JAK1: variants seen among roughly 807,000 people sequenced by gnomAD.
The protein encoded by JAK1 is tyrosine-protein kinase JAK1.
JAK1 carries 16 observed loss-of-function variants against 136.6 expected under a neutral mutation model. The observed-to-expected ratio is 0.12, with a 90% CI of 0.08 to 0.18. The LOEUF is 0.18. Among genes scored for constraint, JAK1 ranks in the 10% least tolerant of loss-of-function variants. The pLI, the probability that JAK1 is intolerant of heterozygous loss-of-function variation, is 1.00. For synonymous variants in JAK1, 492 were observed against 519.5 expected, an observed-to-expected ratio of 0.95 and a Z score of 0.72; for missense variants, 859 against 1,450.1, an observed-to-expected ratio of 0.59 and a Z score of 6.62.
intron 2 of JAK1, among the ~76,000 whole-genome samples, chr1:65,006,134 T>C (rs1646802140): frequency 6.6e-6 from 1 of 152,208 alleles, no homozygotes; most frequent in Non-Finnish European, 1.5e-5. Context: ...GAAGTATCTG[T>C]TCCTTATAAT....
rs2100974383 is a variant in JAK1, at chr1:64,841,258, C to T, written c.2636G>A (p.Arg879His). The T allele has an allele frequency of 1.9e-6, 3 of 1,613,698 alleles. No individual in the cohort carries two copies. The highest frequency in any genetic ancestry group is 2.5e-6 in the Non-Finnish European group (3 of 1,179,606). ...HFEKRFLKRI[R>H]DLGEGHFGKV... ...GGTGTAACTTACCTCTCCCAAGTCA[C>T]GGATCCTCTTTAGGAAGCGCTTTTC... is the stretch of plus-strand genomic sequence containing the variant. Residue 879 changes from arginine (R) to histidine (H), a missense_variant, in exon 19 of 25, where the codon CGT (arginine) becomes CAT (histidine). This residue lies in a region of JAK1 where 409 missense variants were observed against 753.8 expected (regional missense o/e 0.54). Coordinates refer to ENST00000342505, the MANE Select transcript of JAK1 (RefSeq NM_002227.4).
chr1:64,975,171 T>C (rs1646487720), intron 2 of JAK1, among the ~76,000 whole-genome samples: 1 of 152,020 alleles, frequency 6.6e-6, no homozygotes, highest in Non-Finnish European at 1.5e-5. Flanking sequence ...GTGATCATAG[T>C]ATACTACAGC....
chr1:64,834,401 A>AC lies in JAK1; in HGVS notation c.*160dup. ...GAAGTCCTTACACATATTAAGCACT[A>AC]CAGTGTGCCTTATACATGTATATGT... On this transcript the variant is annotated 3_prime_UTR_variant, in exon 25 of 25. Coordinates refer to ENST00000342505, the MANE Select transcript of JAK1 (RefSeq NM_002227.4). 1.8e-6 allele frequency: 1 copy of AC among 567,612 alleles called. No individual in the cohort carries two copies. The highest frequency in any genetic ancestry group is 3.2e-6 in the Non-Finnish European group (1 of 311,926). 35.2% of individuals were successfully genotyped at this position (567,612 alleles called of 1,614,324 possible).
chr1:64,846,212 C>T (rs1039665966), intron 14 of JAK1, among the ~76,000 whole-genome samples: 4 of 152,114 alleles, frequency 2.6e-5, no homozygotes, highest in Admixed American at 6.5e-5. Context: ...AAGGGCCCAC[C>T]GGCTCAGTGG....
intron 1 of JAK1, among the ~76,000 whole-genome samples, chr1:64,950,878 C>G (rs1646073034): frequency 6.6e-6 from 1 of 152,136 alleles, no homozygotes. Context: ...AAGTGGTGGC[C>G]CAGACAGGTC....
intron 1 of JAK1, among the ~76,000 whole-genome samples, chr1:64,928,778 C>CAAAAAAAAAAAAAAAA (rs1183218798): frequency 5.1e-4 from 31 of 61,120 alleles, no homozygotes; most frequent in Non-Finnish European, 7.2e-4. Context: ...TAAAACTCTG[C>CAAAAAAAAAAAAAAAA]AAAAAAAAAA....
chr1:64,938,797 G>A (rs567024398), intron 1 of JAK1, among the ~76,000 whole-genome samples: 2 of 152,176 alleles, frequency 1.3e-5, no homozygotes, highest in Non-Finnish European at 2.9e-5. Context: ...GTCTACATAA[G>A]GATATGATGT....
intron 1 of JAK1, among the ~76,000 whole-genome samples, chr1:64,897,549 A>G (rs1366366444): frequency 3.0e-4 from 2 of 6,676 alleles, no homozygotes; most frequent in Admixed American, 5.3e-3. Flanking sequence ...GAGGAGGAGG[A>G]GGAGGAGGAG....
chr1:64,839,397 T>C (rs1654743777), intron 20 of JAK1: 1 of 433,772 alleles, frequency 2.3e-6, no homozygotes, highest in Non-Finnish European at 4.0e-6. Flanking sequence ...AGCCCCTGGA[T>C]GGAGGGGCCT....
chr1:64,953,772 G>A (rs1350807859), intron 1 of JAK1, among the ~76,000 whole-genome samples: 2 of 152,054 alleles, frequency 1.3e-5, no homozygotes, highest in Non-Finnish European at 2.9e-5. Context: ...CAATTCTCCC[G>A]CCTCAGCCTC....
rs1655074101 is a variant in JAK1, at chr1:64,844,058, G to T, written c.2403+6C>A. On this transcript the variant is annotated splice_donor_region_variant and intron_variant, in intron 17 of 24. Transcript: ENST00000342505. This position sits in a 1 kb window ranked among gnomAD's most constrained non-coding sequence, Gnocchi z 5.7. ...TTGCCTCACGCCCCGGGAAACACCTGCTCACCTCAATCAGCGTCTTGTCTT... is the reference window on the plus strand; with the variant it reads ...TTGCCTCACGCCCCGGGAAACACCTTCTCACCTCAATCAGCGTCTTGTCTT... 1 of 1,613,682 alleles carries T rather than the reference G, an allele frequency of 6.2e-7. No individual in the cohort carries two copies. Among genetic ancestry groups the T allele is most frequent in the African/African-American group, 1.3e-5 (1 of 74,882 alleles).
At chr1:65,035,535 C>T (rs1423273218) in intron 2 of JAK1, among the ~76,000 whole-genome samples, 1 of 152,208 alleles carries the variant, frequency 6.6e-6, no homozygotes. Context: ...CTTCATTCTA[C>T]TCTCCTGTAA....
In JAK1 at chr1:64,965,930, C is replaced by T. The variant is rs549765998; in HGVS notation, c.-78+403G>A. 7.9e-5 allele frequency among the ~76,000 whole-genome samples: 12 copies of T among 152,244 alleles called. No homozygotes were observed. The South Asian group carries it at 2.5e-3, about 32-fold the overall frequency. ...CGCTGCCACCCCGGCCGGGAGCTGG[C>T]GGTCAAGTTCGCGGTACAAGGAGCT... On this transcript the variant is annotated intron_variant, in intron 1 of 24. Transcript: ENST00000342505.
intron 2 of JAK1, among the ~76,000 whole-genome samples, chr1:65,007,030 C>A (rs1447609163): frequency 6.6e-6 from 1 of 152,166 alleles, no homozygotes; most frequent in Admixed American, 6.5e-5. Flanking sequence ...TAAGTTCCAA[C>A]TGAGTGGACC....
chr1:64,979,602 T>C (rs895128275), intron 2 of JAK1: 2 of 152,212 alleles, frequency 1.3e-5, no homozygotes, highest in African/African-American at 4.8e-5. Context: ...TAATTTTTTA[T>C]AACATGATGC....
chr1:64,867,202 C>T lies in JAK1; in HGVS notation c.654G>A (p.Lys218=), dbSNP rs374819144. Residue 218 remains lysine, a synonymous_variant, in exon 7 of 25, where the codon AAG becomes AAA. Coordinates refer to ENST00000342505, the MANE Select transcript of JAK1 (RefSeq NM_002227.4). ...TATTCAATGTTTCTGGAATATATCG[C>T]TTGTAGCTAAAAGACAGTAGAAAAG... is the stretch of plus-strand genomic sequence containing the variant. ...LPELPKDISY[K]RYIPETLNKS... The T allele has an allele frequency of 1.6e-5, 25 of 1,591,866 alleles. No individual in the cohort carries two copies. The highest frequency in any genetic ancestry group is 2.7e-5 in the African/African-American group (2 of 74,412).
chr1:65,066,429 C>A (rs572450107), intron 1 of JAK1, among the ~76,000 whole-genome samples: 1 of 152,280 alleles, frequency 6.6e-6, no homozygotes, highest in African/African-American at 2.4e-5. Flanking sequence ...CAGGTGAGCC[C>A]GGGGAGAAGC....
chr1:65,035,358 T>C (rs957672376), intron 2 of JAK1, among the ~76,000 whole-genome samples: 2 of 152,188 alleles, frequency 1.3e-5, no homozygotes, highest in Non-Finnish European at 2.9e-5. Context: ...TAATCTGATA[T>C]AGAATGTGTA....
In JAK1 at chr1:64,839,661, G is replaced by T. The variant is rs768512523; in HGVS notation, c.2784C>A (p.Ile928=). ...HIADLKKEIE[I]LRNLYHENIV... ...TGTTCTCATGATAGAGGTTCCTTAA[G>T]ATCTCGATTTCCTTTTTCAGATCAG... Residue 928 remains isoleucine (I), a synonymous_variant, in exon 20 of 25, where the codon ATC becomes ATA. Coordinates refer to ENST00000342505, the MANE Select transcript of JAK1 (RefSeq NM_002227.4). The T allele has an allele frequency of 6.2e-7, 1 of 1,614,198 alleles. No homozygotes were observed. The highest frequency in any genetic ancestry group is 1.1e-5 in the South Asian group (1 of 91,074).
Sources: gnomAD v4.1 joint callset for allele counts (sites outside exome capture counted in the v4.1 genomes callset) on GRCh38, gnomAD v4.1.1 for gene constraint, gnomAD v4.1.1 regional missense constraint, Gnocchi (gnomAD v3.1) non-coding constraint, MANE v1.5 for transcripts, NCBI Gene and HGNC (gene_info 2026-07-23, HGNC 2026-07-21) for gene names.